The following SPEN variants were observed in gnomAD, a reference collection of about 807,000 sequenced individuals.
The protein encoded by SPEN is spen family transcriptional repressor, also known as msx2-interacting protein.
SPEN carries 18 observed loss-of-function variants against 269.9 expected under a neutral mutation model. That is an observed-to-expected ratio of 0.07 (90% CI 0.05 to 0.10). The LOEUF is 0.10. Ranked by LOEUF, SPEN falls within the 10% of genes least tolerant of loss-of-function variation. The probability of loss-of-function intolerance (pLI) is 1.00; values close to 1 mark genes in which losing one functional copy is unlikely to be tolerated. For missense variants in SPEN, 3,822 were observed against 4,631.2 expected, an observed-to-expected ratio of 0.83 and a Z score of 5.07; for synonymous variants, 1,726 against 1,765.7, an observed-to-expected ratio of 0.98 and a Z score of 0.56.
intron 3 of SPEN, among the ~76,000 whole-genome samples, chr1:15,890,136 C>T (rs1167877673): frequency 1.3e-5 from 2 of 152,174 alleles, no homozygotes; most frequent in Non-Finnish European, 2.9e-5. Context: ...AAGAATTTCA[C>T]TCATCCTCTA....
At chr1:15,882,109 T>C (rs2862747) in intron 3 of SPEN, among the ~76,000 whole-genome samples, 134,973 of 152,218 alleles carry the variant, frequency 0.89, 60,163 homozygotes, top group Middle Eastern at 0.94. Context: ...AACACATCTA[T>C]TGTTTCTGCA....
Position 15,939,265 on chromosome 1 carries a change from G to A in SPEN, c.10864-31G>A, listed in dbSNP as rs558627064. The A allele has an allele frequency of 1.4e-5, 22 of 1,525,560 alleles. No individual in the cohort carries two copies. Among genetic ancestry groups the A allele is most frequent in the East Asian group, 4.9e-5 (2 of 40,836 alleles). The allele number at this position is 1,525,560 out of a possible 1,614,324, so 94.5% of individuals were successfully genotyped here. A position where few individuals can be genotyped will look rare whatever the true frequency, so the allele number is the denominator to read the frequency against. The stretch of plus-strand genomic sequence containing the variant: ...TGGAGTTGTGGGGGTGAAGACAGAC[G>A]GTCCCACTTTGCTCTCTATCCTGTC... On this transcript the variant is annotated intron_variant, in intron 14 of 14. Transcript: ENST00000375759. This position sits in a 1 kb window ranked among gnomAD's most constrained non-coding sequence, Gnocchi z 4.1.
In SPEN at chr1:15,929,573, A is replaced by G. The variant is rs1481289623; in HGVS notation, c.3333A>G (p.Pro1111=). 1 of 1,613,936 alleles carries G rather than the reference A, an allele frequency of 6.2e-7. No individual in the cohort carries two copies. The highest frequency in any genetic ancestry group is 1.3e-5 in the African/African-American group (1 of 74,932). Residue 1111 remains proline (P), a synonymous_variant, in exon 11 of 15, where the codon CCA becomes CCG. Transcript: ENST00000375759. This position sits in a 1 kb window ranked among gnomAD's most constrained non-coding sequence, Gnocchi z 5.8. ...VQSKKPIPSK[P]QLKQLQVLDD... ...CAAAAAAGCCCATTCCCTCAAAACC[A>G]CAGCTCAAACAGCTGCAGGTATTAG...
chr1:15,937,810 A>C lies in SPEN; in HGVS notation c.10510-2A>C. ...ACTTCCTGTTTGTTTCCCTGTGAGCAGAAGTACCCCATCGTGTGGCAGGGC... is the reference window on the plus strand; with the variant it reads ...ACTTCCTGTTTGTTTCCCTGTGAGCCGAAGTACCCCATCGTGTGGCAGGGC... On this transcript the variant is annotated splice_acceptor_variant, in intron 12 of 14. Coordinates refer to ENST00000375759, the MANE Select transcript of SPEN (RefSeq NM_015001.3). LOFTEE classifies it high-confidence loss of function. The surrounding 1 kb of genome is among the most constrained non-coding windows in gnomAD (Gnocchi z 5.7). The C allele has an allele frequency of 6.2e-7, 1 of 1,613,908 alleles. No homozygotes were observed. The highest frequency in any genetic ancestry group is 8.5e-7 in the Non-Finnish European group (1 of 1,179,924).
At chr1:15,921,413 A>G (rs2071118871) in intron 9 of SPEN, among the ~76,000 whole-genome samples, 1 of 152,212 alleles carries the variant, frequency 6.6e-6, no homozygotes. Context: ...CGTATGCTGT[A>G]TCATTAGTGT....
At chr1:15,936,600 G>A (rs1157015480) in intron 11 of SPEN, among the ~76,000 whole-genome samples, 3 of 148,150 alleles carry the variant, frequency 2.0e-5, no homozygotes. Context: ...ATTGAACCAA[G>A]GTCGTGCCAC....
At chr1:15,885,661 G>A (rs866008689) in intron 3 of SPEN, among the ~76,000 whole-genome samples, 4 of 152,160 alleles carry the variant, frequency 2.6e-5, no homozygotes, top group Admixed American at 6.6e-5. Flanking sequence ...ACATTAGGTC[G>A]TGCCTCATTT....
chr1:15,901,840 G>A (rs891074199), intron 3 of SPEN, among the ~76,000 whole-genome samples: 6 of 151,100 alleles, frequency 4.0e-5, no homozygotes, highest in Admixed American at 6.6e-5. Flanking sequence ...GACATTTGCC[G>A]TATTGAAATT....
intron 2 of SPEN, 175 bp downstream of exon 2, chr1:15,873,311 A>G (rs1283587776): frequency 1.0e-6 from 1 of 985,280 alleles, no homozygotes; most frequent in Non-Finnish European, 1.2e-6. Context: ...ATGGAATCGT[A>G]GAGGATATTT....
At position 15,934,249 on chromosome 1, in the gene SPEN, G is replaced by A; in HGVS notation, c.8009G>A (p.Gly2670Asp). 3.1e-6 allele frequency: 5 copies of A among 1,614,196 alleles called. No individual in the cohort carries two copies. Among genetic ancestry groups the A allele is most frequent in the Non-Finnish European group, 4.2e-6 (5 of 1,180,044 alleles). ...CTGGTCCCGGTGAATGCCCTGAAAG[G>A]CCCCGTGAAGGGCTCAGTGACCACA... ...VSLVPVNALK[G>D]PVKGSVTTLK... Residue 2670 changes from glycine (G) to aspartate (D), a missense_variant, in exon 11 of 15, where the codon GGC becomes GAC. Physicochemically the swap from Gly to Asp is moderately conservative, Grantham distance 94. Transcript: ENST00000375759. The surrounding 1 kb of genome is among the most constrained non-coding windows in gnomAD (Gnocchi z 9.2).
Position 15,918,911 on chromosome 1 carries a change from CA to C in SPEN, c.1396-14del. 6.3e-7 allele frequency: 1 copy of C among 1,598,818 alleles called. No individual in the cohort carries two copies. Among genetic ancestry groups the C allele is most frequent in the Non-Finnish European group, 8.5e-7 (1 of 1,173,738 alleles). On this transcript the variant is annotated splice_polypyrimidine_tract_variant and intron_variant, in intron 6 of 14. Transcript: ENST00000375759. ...CTTGGGCATATTGCTAAGTTGTATT[CA>C]TTGGTTTTTTCAGGATATTGACATT...
chr1:15,925,185 ACTAAGGGGCTGGGCTGGGGATAAAC>A (rs2071154632), intron 10 of SPEN, among the ~76,000 whole-genome samples: 1 of 152,206 alleles, frequency 6.6e-6, no homozygotes, highest in Non-Finnish European at 1.5e-5. Flanking sequence ...ATCACAGGCC[ACTAAGGGGCTGGGCTGGGGATAAAC>A]CTAGGGTTCC....
rs1359821001 is a variant in SPEN, at chr1:15,907,532, G to T, written c.882-1789G>T. Among the ~76,000 whole-genome samples the T allele has an allele frequency of 2.6e-5, 4 of 152,130 alleles. No homozygotes were observed. The East Asian group carries it at 5.8e-4, about 22-fold the overall frequency. ...TTTCAACCTAAACTTGGACTCATTT[G>T]TCTGAATGGATTAGTGATTGTCCTG... On this transcript the variant is annotated intron_variant, in intron 3 of 14. Transcript: ENST00000375759.
intron 4 of SPEN, among the ~76,000 whole-genome samples, chr1:15,910,176 C>T (rs1373697919): frequency 1.5e-5 from 2 of 134,786 alleles, no homozygotes; most frequent in Non-Finnish European, 3.2e-5. Context: ...AGCCTAAAAA[C>T]TTATGTATCA....
chr1:15,870,527 A>G (rs2070562633), intron 1 of SPEN, among the ~76,000 whole-genome samples: 1 of 152,228 alleles, frequency 6.6e-6, no homozygotes, highest in Admixed American at 6.5e-5. Flanking sequence ...GAGGGATTAG[A>G]TGCAAAATTT....
rs1255659760 is a variant in SPEN at position 15,932,370 on chromosome 1, G to T, written c.6130G>T (p.Asp2044Tyr). ...GGAGGCAGGGAGTGAACAGAAACGT[G>T]ACAGAAAAGATGCTGGCACAGACAA... ...EEEAGSEQKRDRKDAGTDKNP... is the reference protein window; with the variant it reads ...EEEAGSEQKRYRKDAGTDKNP... Residue 2044 changes from aspartate to tyrosine, a missense_variant, in exon 11 of 15, where the codon GAC becomes TAC. Asp to Tyr is a radical substitution (Grantham distance 160, BLOSUM62 -3). Around this residue, in one of 16 missense-constraint regions of SPEN, gnomAD observed 727 missense variants for 737.9 expected, o/e 0.99. Coordinates refer to ENST00000375759, the MANE Select transcript of SPEN (RefSeq NM_015001.3). This position sits in a 1 kb window ranked among gnomAD's most constrained non-coding sequence, Gnocchi z 4.2. The T allele has an allele frequency of 1.2e-6, 2 of 1,613,994 alleles. No homozygotes were observed. The highest frequency in any genetic ancestry group is 3.3e-5 in the Admixed American group (2 of 59,998).
At position 15,876,608 on chromosome 1, in the gene SPEN, G is replaced by A. The variant is rs771242557; in HGVS notation, c.811G>A (p.Gly271Ser). ...ATCTAGACCCACAAGGTCCCCTAGC[G>A]GCAGCGGCTCTAGAAGTAGATCCTC... is the stretch of plus-strand genomic sequence containing the variant. ...QASRPTRSPS[G>S]SGSRSRSSSS... Residue 271 changes from glycine (G) to serine (S), a missense_variant, in exon 3 of 15, where the codon GGC (glycine) becomes AGC (serine). By Grantham distance (56) the Gly-to-Ser change is moderately conservative. Coordinates refer to ENST00000375759, the MANE Select transcript of SPEN (RefSeq NM_015001.3). 4.3e-6 allele frequency: 7 copies of A among 1,613,858 alleles called. No individual in the cohort carries two copies. Among genetic ancestry groups the A allele is most frequent in the African/African-American group, 2.7e-5 (2 of 74,908 alleles).
Position 15,930,664 on chromosome 1 carries a change from G to A in SPEN, c.4424G>A (p.Arg1475Gln), listed in dbSNP as rs141407539. ...TGGGACTCCCGATTTGCAAATTTTC[G>A]AAACAACAAAGATAAAGAAAAGGTT... is the stretch of plus-strand genomic sequence containing the variant. Reference protein sequence around the residue: ...LDWDSRFANFRNNKDKEKVDS... With the variant: ...LDWDSRFANFQNNKDKEKVDS... The change falls in exon 11 of 15, where the codon CGA (arginine) becomes CAA (glutamine). Residue 1475 changes from arginine (R) to glutamine (Q), a missense_variant. Arg to Gln is a conservative substitution (Grantham distance 43). This residue lies in a region of SPEN where 267 missense variants were observed against 315.5 expected (regional missense o/e 0.85). Coordinates refer to ENST00000375759, the MANE Select transcript of SPEN (RefSeq NM_015001.3). The surrounding 1 kb of genome is among the most constrained non-coding windows in gnomAD (Gnocchi z 5.3). 394 of 1,613,952 alleles carry A rather than the reference G, an allele frequency of 2.4e-4. No individual in the cohort carries two copies. The highest frequency in any genetic ancestry group is 3.1e-4 in the Non-Finnish European group (364 of 1,179,986).
chr1:15,902,882 T>C (rs1170919250), intron 3 of SPEN, among the ~76,000 whole-genome samples: 2 of 152,128 alleles, frequency 1.3e-5, no homozygotes, highest in African/African-American at 4.8e-5. Context: ...CCCTAATCGC[T>C]CCTTTCTGAA....
Sources: allele counts gnomAD v4.1 joint callset (sites outside exome capture counted in the v4.1 genomes callset), GRCh38; gene constraint gnomAD v4.1.1; regional missense constraint gnomAD v4.1.1; non-coding constraint Gnocchi (gnomAD v3.1); transcripts MANE v1.5; gene names NCBI Gene and HGNC (gene_info 2026-07-23, HGNC 2026-07-21).